The following RGS6 variants were observed in gnomAD, a reference collection of about 807,000 sequenced individuals.
The protein encoded by RGS6 is regulator of G protein signaling 6.
Under a neutral mutation model 78.5 loss-of-function variants are expected in RGS6, and 30 were observed. The ratio of observed to expected loss-of-function variants is 0.38; its 90% CI spans 0.29 to 0.52. The LOEUF (loss-of-function observed/expected upper bound fraction) is 0.52. RGS6 is among the 20% of genes least tolerant of loss of function. The pLI is 0.85. For synonymous variants in RGS6, 206 were observed against 206.0 expected, an observed-to-expected ratio of 1.00 and a Z score of 0.00; for missense variants, 495 against 609.7, an observed-to-expected ratio of 0.81 and a Z score of 1.98.
At chr14:72,597,396 G>C in the RGS6 span, among the ~76,000 whole-genome samples, 3 of 152,266 alleles carry the variant, frequency 2.0e-5, no homozygotes, top group Non-Finnish European at 4.4e-5. Flanking sequence ...CTAGTAGGGT[G>C]TAGTGGACTC....
intron 2 of RGS6, among the ~76,000 whole-genome samples, chr14:72,304,151 G>C (rs1043649206): frequency 4.6e-5 from 7 of 152,082 alleles, no homozygotes; most frequent in Non-Finnish European, 1.0e-4. Context: ...GGTTTGCTCT[G>C]CTGTGGACTG....
rs114329453 is a variant in RGS6, at chr14:72,486,128, C to T, written c.854+7799C>T. ...CCCCCTTCATTCAGTTCTCATTCTC[C>T]TTCCTGTCACCATGTGAAGAAGGAC... On this transcript the variant is annotated intron_variant, in intron 12 of 17. Transcript: ENST00000553525. 3.8e-3 allele frequency among the ~76,000 whole-genome samples: 571 copies of T among 152,228 alleles called. 2 individuals carry two copies. The highest frequency in any genetic ancestry group is 0.013 in the African/African-American group (536 of 41,522).
At chr14:72,383,213 T>TACATAC (rs1555364568) in intron 3 of RGS6, among the ~76,000 whole-genome samples, 1 of 118,338 alleles carries the variant, frequency 8.5e-6, no homozygotes, top group Non-Finnish European at 1.7e-5. Context: ...TATATATATA[T>TACATAC]ACACACAAAC....
chr14:72,265,407 A>T (rs146444891), intron 2 of RGS6, among the ~76,000 whole-genome samples: 1,617 of 152,284 alleles, frequency 0.011, 18 homozygotes, highest in Non-Finnish European at 0.014. Context: ...TAAATGGAGC[A>T]TGTGCTGCCA....
At chr14:72,400,474 G>A (rs1363369300) in intron 3 of RGS6, among the ~76,000 whole-genome samples, 1 of 152,096 alleles carries the variant, frequency 6.6e-6, no homozygotes, top group Non-Finnish European at 1.5e-5. Context: ...TGTTTATTTA[G>A]AGAATACTTT....
At chr14:72,455,816 G>A (rs1057008272) in intron 4 of RGS6, among the ~76,000 whole-genome samples, 1 of 152,158 alleles carries the variant, frequency 6.6e-6, no homozygotes, top group Non-Finnish European at 1.5e-5. Flanking sequence ...TACCTGTTTA[G>A]TTACATTTAT....
At chr14:72,059,706 A>T (rs1013496116) in intron 2 of RGS6, among the ~76,000 whole-genome samples, 1 of 152,110 alleles carries the variant, frequency 6.6e-6, no homozygotes, top group Non-Finnish European at 1.5e-5. Context: ...GGGTAAGGTT[A>T]GATTAGCTCA....
chr14:72,186,652 C>T (rs2097252240), intron 2 of RGS6, among the ~76,000 whole-genome samples: 1 of 152,124 alleles, frequency 6.6e-6, no homozygotes, highest in African/African-American at 2.4e-5. Context: ...CTCTGCCTGC[C>T]AAGGAAGATG....
At chr14:72,461,714 T>G (rs559038229) in intron 6 of RGS6, among the ~76,000 whole-genome samples, 70 of 152,098 alleles carry the variant, frequency 4.6e-4, no homozygotes, top group African/African-American at 1.6e-3. Context: ...AAACCAGTAC[T>G]CCCCAGGGTT....
At chr14:72,350,997 C>T (rs1276612162) in intron 2 of RGS6, among the ~76,000 whole-genome samples, 1 of 152,098 alleles carries the variant, frequency 6.6e-6, no homozygotes, top group Non-Finnish European at 1.5e-5. Flanking sequence ...CTATTTCTAT[C>T]AAACAAGTTA....
chr14:72,311,681 G>T (rs1316932423), intron 2 of RGS6, among the ~76,000 whole-genome samples: 1 of 152,188 alleles, frequency 6.6e-6, no homozygotes, highest in Non-Finnish European at 1.5e-5. Context: ...ATGATGAACA[G>T]CATCTCTGCA....
At chr14:72,106,427 G>T (rs1211901998) in intron 2 of RGS6, among the ~76,000 whole-genome samples, 3 of 152,182 alleles carry the variant, frequency 2.0e-5, no homozygotes, top group Non-Finnish European at 4.4e-5. Flanking sequence ...TCCCATGCAT[G>T]CTTGAGTTTG....
intron 2 of RGS6, among the ~76,000 whole-genome samples, chr14:72,245,559 G>A (rs1014994269): frequency 6.6e-6 from 1 of 152,266 alleles, no homozygotes; most frequent in East Asian, 1.9e-4. Context: ...CCTTTAAGCA[G>A]TTTTCCTCCC....
intron 2 of RGS6, among the ~76,000 whole-genome samples, chr14:72,052,953 C>CT (rs1273970288): frequency 2.4e-5 from 1 of 41,210 alleles, no homozygotes; most frequent in Non-Finnish European, 4.2e-5. Flanking sequence ...TTCTTTCTTT[C>CT]TTTCTTTCTT....
chr14:72,602,194 C>T, the RGS6 span, among the ~76,000 whole-genome samples: 2 of 152,220 alleles, frequency 1.3e-5, no homozygotes, highest in African/African-American at 2.4e-5. Flanking sequence ...GTACTTTCCT[C>T]GGCCCTGTTC....
chr14:71,996,804 A>G (rs1255024454), intron 2 of RGS6, among the ~76,000 whole-genome samples: 1 of 152,062 alleles, frequency 6.6e-6, no homozygotes, highest in East Asian at 1.9e-4. Flanking sequence ...GGCGGGAGGA[A>G]GTAAAATGAT....
At chr14:72,400,089 G>A (rs536997360) in intron 3 of RGS6, among the ~76,000 whole-genome samples, 7 of 152,266 alleles carry the variant, frequency 4.6e-5, no homozygotes, top group Admixed American at 3.9e-4. Flanking sequence ...ATCATTGTCT[G>A]ATTCACCGAA....
chr14:71,927,285 AT>A, the RGS6 span, among the ~76,000 whole-genome samples: 4 of 152,246 alleles, frequency 2.6e-5, no homozygotes, highest in Non-Finnish European at 4.4e-5. Context: ...GTAAATATGC[AT>A]TGCACTCTGA....
rs190646049 is a variant in RGS6 at position 72,434,215 on chromosome 14, T to C, written c.185-20313T>C. On this transcript the variant is annotated intron_variant, in intron 3 of 17. Transcript: ENST00000553525. The stretch of plus-strand genomic sequence containing the variant: ...ATCCAGAGGTGGTGGCATGCACCTA[T>C]AGTCTCAGCTACTCCAAACACTGAG... 1.4e-3 allele frequency among the ~76,000 whole-genome samples: 207 copies of C among 152,308 alleles called. 2 individuals are homozygous for C. Among genetic ancestry groups the C allele is most frequent in the Non-Finnish European group, 2.1e-3 (146 of 68,032 alleles).
Sources: allele counts gnomAD v4.1 joint callset (sites outside exome capture counted in the v4.1 genomes callset), GRCh38; gene constraint gnomAD v4.1.1; transcripts MANE v1.5; gene names NCBI Gene and HGNC (gene_info 2026-07-23, HGNC 2026-07-21).